The following PTPRN2 variants were observed in gnomAD, a reference collection of about 807,000 sequenced individuals.
PTPRN2 encodes the protein protein tyrosine phosphatase receptor type N2.
In PTPRN2, 74 loss-of-function variants were observed where a neutral mutation model predicts 118.8. The ratio of observed to expected loss-of-function variants is 0.62; its 90% CI spans 0.52 to 0.76. The LOEUF is 0.76. Among genes scored for constraint, PTPRN2 ranks in the 30% least tolerant of loss-of-function variants. PTPRN2 has a pLI of 0.00. For synonymous variants in PTPRN2, 641 were observed against 608.0 expected (o/e 1.05, Z -0.80); for missense variants, 1,481 against 1,394.4 (o/e 1.06, Z -0.99).
Position 157,540,785 on chromosome 7 carries a change from C to G in PTPRN2, c.2977G>C (p.Glu993Gln). ...GCTGTCAGCGCGAACTCAAACTGCT[C>G]CTGCAGGGCGAGAAACGAGAGAAGT... ...DQRPGMVQTK[E>Q]QFEFALTAVA... The change falls in exon 23 of 23, where the codon GAG (glutamate) becomes CAG (glutamine). Residue 993 changes from glutamate to glutamine, a missense_variant and splice_region_variant. By Grantham distance (29) the Glu-to-Gln change is conservative. Around this residue, in one of 3 missense-constraint regions of PTPRN2, gnomAD observed 362 missense variants for 384.1 expected, o/e 0.94. Transcript: ENST00000389418. 1 of 1,560,944 alleles carries G rather than the reference C, an allele frequency of 6.4e-7. No individual in the cohort carries two copies. The highest frequency in any genetic ancestry group is 8.7e-7 in the Non-Finnish European group (1 of 1,151,958).
intron 11 of PTPRN2, among the ~76,000 whole-genome samples, chr7:157,973,947 A>G (rs961665310): frequency 6.6e-6 from 1 of 152,144 alleles, no homozygotes; most frequent in Non-Finnish European, 1.5e-5. Context: ...TTCTCCATTC[A>G]TTGTCAGTGG....
At chr7:158,047,230 A>G (rs1475528966) in intron 11 of PTPRN2, among the ~76,000 whole-genome samples, 3 of 152,268 alleles carry the variant, frequency 2.0e-5, no homozygotes, top group Non-Finnish European at 4.4e-5. Flanking sequence ...GAAGAAGCAC[A>G]GTCACCGAAG....
chr7:157,687,751 T>A (rs1797267907), intron 12 of PTPRN2, among the ~76,000 whole-genome samples: 1 of 152,238 alleles, frequency 6.6e-6, no homozygotes, highest in Non-Finnish European at 1.5e-5. Context: ...AATACTCACT[T>A]TAGGGCTGAT....
At chr7:157,582,351 C>T (rs115543758) in intron 17 of PTPRN2, among the ~76,000 whole-genome samples, 8 of 152,120 alleles carry the variant, frequency 5.3e-5, no homozygotes, top group African/African-American at 1.9e-4. Context: ...GATCTGAGCA[C>T]ACATTTCTCC....
At chr7:158,114,871 C>T (rs768058487) in intron 9 of PTPRN2, among the ~76,000 whole-genome samples, 6 of 152,104 alleles carry the variant, frequency 3.9e-5, no homozygotes, top group East Asian at 1.9e-4. Context: ...CAAATGCCCT[C>T]GGGTAGCACA....
At chr7:158,276,356 TAAGGC>T (rs1278737679) in intron 3 of PTPRN2, among the ~76,000 whole-genome samples, 2 of 33,432 alleles carry the variant, frequency 6.0e-5, no homozygotes, top group African/African-American at 8.5e-5. Context: ...CGACAGGCTG[TAAGGC>T]AGCACCCCCA....
At chr7:157,605,426 C>T (rs746032539) in intron 15 of PTPRN2, among the ~76,000 whole-genome samples, 39 of 152,346 alleles carry the variant, frequency 2.6e-4, no homozygotes, top group Non-Finnish European at 3.7e-4. Context: ...GGTCTGGGCT[C>T]CCTGAAGGGC....
Position 158,022,290 on chromosome 7 carries a change from C to T in PTPRN2, c.1723+59008G>A, listed in dbSNP as rs943354765. 7.2e-5 allele frequency among the ~76,000 whole-genome samples: 11 copies of T among 152,208 alleles called. No homozygotes were observed. The highest frequency in any genetic ancestry group is 1.0e-4 in the Non-Finnish European group (7 of 68,028). ...GATGACTCCGTTTCCTACACGGTTCCGAGCGTTTTCCATCCTTCCTGACGG... is the reference window on the plus strand; with the variant it reads ...GATGACTCCGTTTCCTACACGGTTCTGAGCGTTTTCCATCCTTCCTGACGG... On this transcript the variant is annotated intron_variant, in intron 11 of 22. Coordinates refer to ENST00000389418, the MANE Select transcript of PTPRN2 (RefSeq NM_002847.5). This position sits in a 1 kb window ranked among gnomAD's most constrained non-coding sequence, Gnocchi z 4.6.
At position 158,555,614 on chromosome 7, in the gene PTPRN2, C is replaced by G. The variant is rs1014988965; in HGVS notation, c.112+31944G>C. ...TCTTCCAGCTGTCCCCCAGACCCAG[C>G]CTCCCTCAGCTCCCATGGCAGGGTT... is the stretch of plus-strand genomic sequence containing the variant. On this transcript the variant is annotated intron_variant, in intron 1 of 22. Coordinates refer to ENST00000389418, the MANE Select transcript of PTPRN2 (RefSeq NM_002847.5). The surrounding 1 kb of genome is among the most constrained non-coding windows in gnomAD (Gnocchi z 4.7). Among the ~76,000 whole-genome samples, 1 of 152,212 alleles carries G rather than the reference C, an allele frequency of 6.6e-6. No individual in the cohort carries two copies. Among genetic ancestry groups the G allele is most frequent in the Admixed American group, 6.5e-5 (1 of 15,270 alleles).
rs1412496027 is a variant in PTPRN2 at position 158,044,820 on chromosome 7, G to A, written c.1723+36478C>T. Among the ~76,000 whole-genome samples, 4 of 152,128 alleles carry A rather than the reference G, an allele frequency of 2.6e-5. No individual in the cohort carries two copies. In the East Asian group the frequency reaches 5.8e-4, roughly 22 times the overall value. ...ATAGGCCGACAGGTGCCAGTTCGGC[G>A]ATGACTAAGTACAAAAGAGTCTGCT... On this transcript the variant is annotated intron_variant, in intron 11 of 22. Transcript: ENST00000389418.
chr7:158,538,836 C>T (rs1301371950), intron 1 of PTPRN2, among the ~76,000 whole-genome samples: 1 of 152,172 alleles, frequency 6.6e-6, no homozygotes, highest in Non-Finnish European at 1.5e-5. Context: ...CAACAGGCCC[C>T]GGAGCTCAGC....
intron 12 of PTPRN2, among the ~76,000 whole-genome samples, chr7:157,781,230 G>T (rs1377638532): frequency 1.3e-5 from 2 of 152,170 alleles, no homozygotes; most frequent in Admixed American, 1.3e-4. Flanking sequence ...CTTTTGATTT[G>T]ATATATTACA....
At chr7:158,145,464 C>A (rs1819850385) in intron 6 of PTPRN2, among the ~76,000 whole-genome samples, 2 of 152,218 alleles carry the variant, frequency 1.3e-5, no homozygotes, top group South Asian at 4.1e-4. Flanking sequence ...CGACAGAGAG[C>A]AGCTGGGAAT....
intron 11 of PTPRN2, among the ~76,000 whole-genome samples, chr7:157,978,657 C>A (rs1802920679): frequency 6.6e-6 from 1 of 151,922 alleles, no homozygotes; most frequent in Admixed American, 6.6e-5. Context: ...GCAGCTGATC[C>A]AGCTCAGGGG....
chr7:157,583,638 C>G lies in PTPRN2; in HGVS notation c.2497-5498G>C, dbSNP rs1351255267. Among the ~76,000 whole-genome samples the G allele has an allele frequency of 6.6e-6, 1 of 152,218 alleles. No individual in the cohort carries two copies. The highest frequency in any genetic ancestry group is 2.4e-5 in the African/African-American group (1 of 41,468). On this transcript the variant is annotated intron_variant, in intron 17 of 22. Transcript: ENST00000389418. This position sits in a 1 kb window ranked among gnomAD's most constrained non-coding sequence, Gnocchi z 5.5. ...GGGGCTCGCACCTCTAATCCCAGCA[C>G]TTTGGGAGGCCAAGGCAGGCGAATC...
rs2128811940 is a variant in PTPRN2, at chr7:157,964,933, A to G, written c.1724-66196T>C. Among the ~76,000 whole-genome samples the G allele has an allele frequency of 6.6e-6, 1 of 152,322 alleles. No homozygotes were observed. Among genetic ancestry groups the G allele is most frequent in the Non-Finnish European group, 1.5e-5 (1 of 68,026 alleles). ...TGGGCCATGGTATAATTTATGTTCA[A>G]CAGAGACCTTTGGGAGTGAGTGTCA... On this transcript the variant is annotated intron_variant, in intron 11 of 22. Coordinates refer to ENST00000389418, the MANE Select transcript of PTPRN2 (RefSeq NM_002847.5). The surrounding 1 kb of genome is among the most constrained non-coding windows in gnomAD (Gnocchi z 9.0).
At chr7:157,906,162 C>T (rs898165520) in intron 11 of PTPRN2, among the ~76,000 whole-genome samples, 7 of 152,174 alleles carry the variant, frequency 4.6e-5, no homozygotes, top group South Asian at 2.1e-4. Context: ...TTCCTTAAAG[C>T]GGAAGTCATT....
chr7:158,520,261 G>T (rs1232360131), intron 1 of PTPRN2, among the ~76,000 whole-genome samples: 1 of 152,236 alleles, frequency 6.6e-6, no homozygotes, highest in Non-Finnish European at 1.5e-5. Context: ...GGCAGCCTGG[G>T]TCTCACACCG....
chr7:158,385,144 C>T (rs1401430098), intron 2 of PTPRN2, among the ~76,000 whole-genome samples: 1 of 152,192 alleles, frequency 6.6e-6, no homozygotes, highest in African/African-American at 2.4e-5. Context: ...ACCATTTGTC[C>T]TCTTCTGATA....
Sources: allele counts gnomAD v4.1 joint callset (sites outside exome capture counted in the v4.1 genomes callset), GRCh38; gene constraint gnomAD v4.1.1; regional missense constraint gnomAD v4.1.1; non-coding constraint Gnocchi (gnomAD v3.1); transcripts MANE v1.5; gene names NCBI Gene and HGNC (gene_info 2026-07-23, HGNC 2026-07-21).